The following RCAN1 variants were observed in gnomAD, a reference collection of about 807,000 sequenced individuals.
RCAN1 encodes the protein calcipressin-1.
Under a neutral mutation model 22.9 loss-of-function variants are expected in RCAN1, and 11 were observed. The observed-to-expected ratio is 0.48, with a 90% CI of 0.30 to 0.79. The LOEUF (loss-of-function observed/expected upper bound fraction) is 0.79. Ranked by LOEUF, RCAN1 falls within the 30% of genes least tolerant of loss-of-function variation. The probability of loss-of-function intolerance (pLI) is 0.06; values close to 1 mark genes in which losing one functional copy is unlikely to be tolerated. For synonymous variants in RCAN1, 136 were observed against 142.3 expected (o/e 0.96, Z 0.32); for missense variants, 291 against 337.8 (o/e 0.86, Z 1.09).
Position 34,614,412 on chromosome 21 carries a change from G to T in RCAN1, c.252+348C>A. The T allele has an allele frequency of 1.0e-6, 1 of 999,978 alleles. No homozygotes were observed. The highest frequency in any genetic ancestry group is 1.2e-6 in the Non-Finnish European group (1 of 839,698). 61.9% of individuals were successfully genotyped at this position (999,978 alleles called of 1,614,324 possible). On this transcript the variant is annotated intron_variant, in intron 1 of 3. Coordinates refer to ENST00000313806, the MANE Select transcript of RCAN1 (RefSeq NM_004414.7). The surrounding 1 kb of genome is among the most constrained non-coding windows in gnomAD (Gnocchi z 6.0). ...GAATGAGGTGACCCCCTCCTCCAGCGAGTAAATGCGGGGCGATGGCGAGAG... is the reference window on the plus strand; with the variant it reads ...GAATGAGGTGACCCCCTCCTCCAGCTAGTAAATGCGGGGCGATGGCGAGAG...
chr21:34,568,728 G>A, intron 1 of RCAN1, among the ~76,000 whole-genome samples: 1 of 152,218 alleles, frequency 6.6e-6, no homozygotes, highest in East Asian at 1.9e-4. Context: ...GTAGCTCTGA[G>A]AAGGCCCAGA....
At chr21:34,539,895 T>C (rs987108573) in intron 1 of RCAN1, among the ~76,000 whole-genome samples, 1 of 152,238 alleles carries the variant, frequency 6.6e-6, no homozygotes, top group Non-Finnish European at 1.5e-5. Flanking sequence ...CTTTATCTGG[T>C]GAAATTCTCA....
intron 1 of RCAN1, among the ~76,000 whole-genome samples, chr21:34,601,099 T>G (rs1988323923): frequency 6.6e-6 from 1 of 152,234 alleles, no homozygotes. Flanking sequence ...AATATTTTCT[T>G]GTTCATGATG....
chr21:34,613,894 T>C, intron 1 of RCAN1: 1 of 1,376,450 alleles, frequency 7.3e-7, no homozygotes, highest in Non-Finnish European at 9.6e-7. Flanking sequence ...ACTGCTTTTT[T>C]TGACAGCTGC....
intron 1 of RCAN1, among the ~76,000 whole-genome samples, chr21:34,555,101 C>T (rs998218358): frequency 1.3e-5 from 2 of 152,230 alleles, no homozygotes; most frequent in Non-Finnish European, 2.9e-5. Context: ...AGTGCACTTG[C>T]TGTTTCCAGA....
intron 1 of RCAN1, among the ~76,000 whole-genome samples, chr21:34,568,923 A>G (rs1216239829): frequency 6.6e-6 from 1 of 152,222 alleles, no homozygotes; most frequent in Non-Finnish European, 1.5e-5. Context: ...AATCATGGTG[A>G]GAGACAAAAG....
intron 1 of RCAN1, among the ~76,000 whole-genome samples, chr21:34,608,339 C>T (rs2123735341): frequency 6.6e-6 from 1 of 152,248 alleles, no homozygotes; most frequent in Middle Eastern, 3.4e-3. Context: ...TTTGTAATTC[C>T]CTCTCCCTGA....
At chr21:34,542,412 G>T (rs766838069) in intron 1 of RCAN1, among the ~76,000 whole-genome samples, 34 of 44,394 alleles carry the variant, frequency 7.7e-4, no homozygotes, top group Non-Finnish European at 1.2e-3. Flanking sequence ...CTTTCAGGAA[G>T]CCCAAGCAGC....
intron 1 of RCAN1, among the ~76,000 whole-genome samples, chr21:34,534,919 T>A (rs4817675): frequency 6.6e-6 from 1 of 151,984 alleles, no homozygotes; most frequent in African/African-American, 2.4e-5. Flanking sequence ...TGGACACTGC[T>A]GAGGGCCAGG....
At chr21:34,577,293 T>C (rs906461733) in intron 1 of RCAN1, among the ~76,000 whole-genome samples, 7 of 152,136 alleles carry the variant, frequency 4.6e-5, no homozygotes, top group Admixed American at 3.3e-4. Context: ...ATGACATACA[T>C]AGGTTTTTAG....
rs1472503111 is a variant in RCAN1, at chr21:34,518,335, G to A, written c.587-79C>T. The stretch of plus-strand genomic sequence containing the variant: ...AGGCAAACATAAAAGAGCATTCAGG[G>A]CTCTGCTGGGCCAGCTGCTCGTGAC... On this transcript the variant is annotated intron_variant, in intron 3 of 3. Coordinates refer to ENST00000313806, the MANE Select transcript of RCAN1 (RefSeq NM_004414.7). This position sits in a 1 kb window ranked among gnomAD's most constrained non-coding sequence, Gnocchi z 4.2. 2 of 1,450,696 alleles carry A rather than the reference G, an allele frequency of 1.4e-6. No homozygotes were observed. Among genetic ancestry groups the A allele is most frequent in the African/African-American group, 1.4e-5 (1 of 71,456 alleles). The allele number at this position is 1,450,696 out of a possible 1,614,324, so 89.9% of individuals were successfully genotyped here.
chr21:34,599,924 T>C (rs949954140), intron 1 of RCAN1, among the ~76,000 whole-genome samples: 3 of 152,148 alleles, frequency 2.0e-5, no homozygotes, highest in Non-Finnish European at 4.4e-5. Flanking sequence ...GTAGACCTAT[T>C]GCAACTGGTG....
intron 1 of RCAN1, among the ~76,000 whole-genome samples, chr21:34,602,431 G>A (rs1304870502): frequency 2.0e-5 from 3 of 152,198 alleles, no homozygotes; most frequent in African/African-American, 7.2e-5. Context: ...TCTAGAAAGA[G>A]ATACCAATAC....
At chr21:34,550,883 C>T (rs1211192088) in intron 1 of RCAN1, among the ~76,000 whole-genome samples, 1 of 152,186 alleles carries the variant, frequency 6.6e-6, no homozygotes, top group Non-Finnish European at 1.5e-5. Flanking sequence ...GCCCCCACTA[C>T]CTTTAGATCC....
intron 1 of RCAN1, among the ~76,000 whole-genome samples, chr21:34,548,474 T>C (rs1986230526): frequency 6.6e-6 from 1 of 152,166 alleles, no homozygotes. Context: ...AGCTGGAAAG[T>C]AGAGTTTTCA....
chr21:34,584,667 A>G (rs932109564), intron 1 of RCAN1, among the ~76,000 whole-genome samples: 44 of 152,362 alleles, frequency 2.9e-4, no homozygotes, highest in African/African-American at 8.7e-4. Flanking sequence ...GGAAAACTAC[A>G]AAGGACACAG....
intron 1 of RCAN1, among the ~76,000 whole-genome samples, chr21:34,594,728 T>A (rs934603008): frequency 6.6e-6 from 1 of 152,106 alleles, no homozygotes; most frequent in Non-Finnish European, 1.5e-5. Flanking sequence ...ACAGCAGAGA[T>A]CAGTGTTAGG....
chr21:34,571,652 C>T (rs1987237581), intron 1 of RCAN1, among the ~76,000 whole-genome samples: 1 of 152,122 alleles, frequency 6.6e-6, no homozygotes, highest in Non-Finnish European at 1.5e-5. Flanking sequence ...ACTTCCCAGG[C>T]TCGGGTGATC....
At chr21:34,519,484 C>A (rs575885064) in intron 3 of RCAN1, among the ~76,000 whole-genome samples, 1 of 150,226 alleles carries the variant, frequency 6.7e-6, no homozygotes, top group Non-Finnish European at 1.5e-5. Context: ...GTGCAACCTC[C>A]GCCTCCCAGG....
Sources: gnomAD v4.1 joint callset for allele counts (sites outside exome capture counted in the v4.1 genomes callset) on GRCh38, gnomAD v4.1.1 for gene constraint, Gnocchi (gnomAD v3.1) non-coding constraint, MANE v1.5 for transcripts, NCBI Gene and HGNC (gene_info 2026-07-23, HGNC 2026-07-21) for gene names.